The following WIPF1 variants were observed in gnomAD, a reference collection of about 807,000 sequenced individuals.
The protein encoded by WIPF1 is WAS/WASL interacting protein family member 1.
In WIPF1, 13 loss-of-function variants were observed where a neutral mutation model predicts 35.4. The observed-to-expected ratio is 0.37, with a 90% CI of 0.24 to 0.58. The LOEUF (loss-of-function observed/expected upper bound fraction) is 0.58, where lower values mean the gene tolerates loss of function less well. Among genes scored for constraint, WIPF1 ranks in the 20% least tolerant of loss-of-function variants. The pLI, the probability that WIPF1 is intolerant of heterozygous loss-of-function variation, is 0.74. For synonymous variants in WIPF1, 267 were observed against 266.3 expected, an observed-to-expected ratio of 1.00 and a Z score of -0.02; for missense variants, 591 against 667.0, an observed-to-expected ratio of 0.89 and a Z score of 1.25.
rs74646749 is a variant in WIPF1, at chr2:174,564,252, C to G, written c.1457-1650G>C. Among the ~76,000 whole-genome samples, 297 of 152,172 alleles carry G rather than the reference C, an allele frequency of 2.0e-3. 1 individual carries two copies. Among genetic ancestry groups the G allele is most frequent in the African/African-American group, 7.0e-3 (291 of 41,510 alleles). ...TTATCATTATAAAATATTAAACATG[C>G]CTAATGCTGGAAATATTTAAGGCAA... On this transcript the variant is annotated intron_variant, in intron 7 of 7. Transcript: ENST00000679041.
intron 1 of WIPF1, among the ~76,000 whole-genome samples, chr2:174,652,429 T>C (rs894181774): frequency 1.3e-5 from 2 of 152,212 alleles, no homozygotes; most frequent in Admixed American, 1.3e-4. Flanking sequence ...CAGGGCAATA[T>C]AATGCCTACA....
intron 1 of WIPF1, among the ~76,000 whole-genome samples, chr2:174,654,869 C>T (rs982420945): frequency 2.6e-5 from 4 of 152,136 alleles, no homozygotes; most frequent in African/African-American, 9.7e-5. Flanking sequence ...CTCTTCTCTA[C>T]CAGAGGACAG....
At chr2:174,675,171 T>C (rs1176494598) in intron 1 of WIPF1, among the ~76,000 whole-genome samples, 2 of 152,140 alleles carry the variant, frequency 1.3e-5, no homozygotes, top group Admixed American at 6.5e-5. Flanking sequence ...TACTTATACA[T>C]AGTTATATAA....
chr2:174,649,216 C>G (rs1419875705), intron 1 of WIPF1, among the ~76,000 whole-genome samples: 2 of 152,136 alleles, frequency 1.3e-5, no homozygotes, highest in African/African-American at 4.8e-5. Flanking sequence ...ATGCTGAGCC[C>G]ATAAATGGCA....
chr2:174,635,529 G>GTT (rs1197924942), intron 1 of WIPF1, among the ~76,000 whole-genome samples: 434 of 115,430 alleles, frequency 3.8e-3, no homozygotes, highest in Non-Finnish European at 5.2e-3. Flanking sequence ...CCTTCTGTTT[G>GTT]TTTTTTTTTT....
At chr2:174,566,083 G>T (rs1351367199) in intron 7 of WIPF1, 1 of 151,736 alleles carries the variant, frequency 6.6e-6, no homozygotes, top group Non-Finnish European at 1.5e-5. Context: ...GTAGAGATGG[G>T]GTTTCACCAT....
chr2:174,563,514 G>C (rs58415118), intron 7 of WIPF1, among the ~76,000 whole-genome samples: 21,867 of 152,140 alleles, frequency 0.14, 2,203 homozygotes, highest in African/African-American at 0.28. Flanking sequence ...GCTGCAATGA[G>C]CCAAGATTGC....
chr2:174,581,748 G>A (rs548647192), intron 2 of WIPF1, among the ~76,000 whole-genome samples: 3 of 152,230 alleles, frequency 2.0e-5, no homozygotes, highest in East Asian at 1.9e-4. Context: ...GACTAGACAC[G>A]AGAAAAGAAT....
At chr2:174,608,930 G>A (rs1335822711) in intron 1 of WIPF1, among the ~76,000 whole-genome samples, 2 of 152,202 alleles carry the variant, frequency 1.3e-5, no homozygotes, top group Non-Finnish European at 2.9e-5. Context: ...TCAGGAACAA[G>A]GGTAAATAGC....
intron 1 of WIPF1, chr2:174,623,576 C>T (rs942502354): frequency 6.6e-6 from 1 of 152,230 alleles, no homozygotes; most frequent in African/African-American, 2.4e-5. Flanking sequence ...ATACCCAAAT[C>T]TCAGTCTATG....
At chr2:174,655,675 C>T (rs922760487) in intron 1 of WIPF1, 2 of 152,238 alleles carry the variant, frequency 1.3e-5, no homozygotes, top group Non-Finnish European at 2.9e-5. Flanking sequence ...CTATTGGATA[C>T]TTCCATGAAA....
chr2:174,680,410 G>T (rs1320882499), intron 1 of WIPF1, among the ~76,000 whole-genome samples: 1 of 152,240 alleles, frequency 6.6e-6, no homozygotes, highest in African/African-American at 2.4e-5. Context: ...AGCAGAGAGA[G>T]CTTTGTGTGG....
chr2:174,628,800 A>T (rs1686926330), intron 1 of WIPF1, among the ~76,000 whole-genome samples: 2 of 152,178 alleles, frequency 1.3e-5, no homozygotes, highest in Non-Finnish European at 2.9e-5. Context: ...CAAATCACCT[A>T]ATCTCTCTGG....
chr2:174,661,676 T>C (rs988101211), intron 1 of WIPF1, among the ~76,000 whole-genome samples: 5 of 152,208 alleles, frequency 3.3e-5, no homozygotes, highest in African/African-American at 9.6e-5. Flanking sequence ...CCTGTGTGTT[T>C]TTCCCCTGTA....
chr2:174,677,497 A>G (rs1688159696), intron 1 of WIPF1, among the ~76,000 whole-genome samples: 1 of 152,236 alleles, frequency 6.6e-6, no homozygotes, highest in Non-Finnish European at 1.5e-5. Flanking sequence ...TGTGAAGCCC[A>G]GAACAATAGC....
intron 1 of WIPF1, among the ~76,000 whole-genome samples, chr2:174,668,197 C>T (rs1687932456): frequency 6.6e-6 from 1 of 152,178 alleles, no homozygotes; most frequent in African/African-American, 2.4e-5. Flanking sequence ...TTTATGCAAT[C>T]TCAGGCAGGG....
At position 174,561,236 on chromosome 2, in the gene WIPF1, C is replaced by T. The variant is rs1467921952; in HGVS notation, c.*1311G>A. ...AGCAATCTCCCTAATTCGCTCAACC[C>T]TTACATAAGCATCAGATTTAGATTT... On this transcript the variant is annotated 3_prime_UTR_variant, in exon 8 of 8. Coordinates refer to ENST00000679041, the MANE Select transcript of WIPF1 (RefSeq NM_001375834.1). The T allele has an allele frequency of 6.6e-6, 1 of 152,640 alleles. No individual in the cohort carries two copies. The highest frequency in any genetic ancestry group is 2.4e-5 in the African/African-American group (1 of 41,452). 9.5% of individuals were successfully genotyped at this position (152,640 alleles called of 1,614,324 possible). A position where few individuals can be genotyped will look rare whatever the true frequency, so the allele number is the denominator to read the frequency against.
rs564148755 is a variant in WIPF1, at chr2:174,590,308, G to C, written c.-38-4697C>G. On this transcript the variant is annotated intron_variant, in intron 1 of 7. Coordinates refer to ENST00000679041, the MANE Select transcript of WIPF1 (RefSeq NM_001375834.1). The surrounding 1 kb of genome is among the most constrained non-coding windows in gnomAD (Gnocchi z 4.6). ...GTGTGCAAGGCTTTCAGCATGGCCT[G>C]GGGGAGCAAAGCTGTCAGTGGACAG... Among the ~76,000 whole-genome samples the C allele has an allele frequency of 3.2e-4, 49 of 152,262 alleles. No homozygotes were observed. The South Asian group carries it at 9.7e-3, about 30-fold the overall frequency.
At chr2:174,675,468 C>T (rs368963692) in intron 1 of WIPF1, among the ~76,000 whole-genome samples, 8 of 151,854 alleles carry the variant, frequency 5.3e-5, no homozygotes, top group East Asian at 1.9e-4. Flanking sequence ...GTGATCCTCC[C>T]GCCTCAGCTT....
Sources: gnomAD v4.1 joint callset for allele counts (sites outside exome capture counted in the v4.1 genomes callset) on GRCh38, gnomAD v4.1.1 for gene constraint, Gnocchi (gnomAD v3.1) non-coding constraint, MANE v1.5 for transcripts, NCBI Gene and HGNC (gene_info 2026-07-23, HGNC 2026-07-21) for gene names.